The following OR9Q1 variants were observed in gnomAD, a reference collection of about 807,000 sequenced individuals.
The protein encoded by OR9Q1 is olfactory receptor family 9 subfamily Q member 1.
For missense variants in OR9Q1, 374 were observed against 378.8 expected (o/e 0.99, Z 0.11); for synonymous variants, 153 against 148.6 (o/e 1.03, Z -0.22).
chr11:58,097,842 CCAAA>C (rs1259816308), intron 2 of OR9Q1, among the ~76,000 whole-genome samples: 2 of 152,090 alleles, frequency 1.3e-5, no homozygotes, highest in Non-Finnish European at 2.9e-5. Flanking sequence ...CTGAATAAAG[CCAAA>C]CAAAGATGAG....
At chr11:58,024,401 T>C (rs749126220) in intron 1 of OR9Q1, among the ~76,000 whole-genome samples, 65 of 152,082 alleles carry the variant, frequency 4.3e-4, no homozygotes, top group Non-Finnish European at 8.5e-4. Flanking sequence ...TATTTTCCAG[T>C]TCCTTTCACT....
At chr11:58,031,617 A>T (rs529254367) in intron 1 of OR9Q1, 1 of 1,611,960 alleles carries the variant, frequency 6.2e-7, no homozygotes. Context: ...GCTGTGTCCT[A>T]TGGCAACATC....
chr11:58,066,657 T>A (rs1032854575), intron 2 of OR9Q1, among the ~76,000 whole-genome samples: 4 of 152,190 alleles, frequency 2.6e-5, no homozygotes, highest in African/African-American at 9.7e-5. Context: ...AGGCCGAAGT[T>A]GACTGGCAGA....
intron 2 of OR9Q1, among the ~76,000 whole-genome samples, chr11:58,161,044 T>C (rs1404797397): frequency 1.3e-5 from 2 of 148,918 alleles, no homozygotes; most frequent in East Asian, 4.0e-4. Context: ...TCCAACTCTA[T>C]GTTGAATAGG....
At chr11:58,172,069 A>G (rs1854560733) in intron 2 of OR9Q1, among the ~76,000 whole-genome samples, 1 of 152,220 alleles carries the variant, frequency 6.6e-6, no homozygotes, top group Non-Finnish European at 1.5e-5. Flanking sequence ...CAATTGCATA[A>G]CAGATTTATG....
At chr11:58,058,397 C>T (rs1043777374) in intron 2 of OR9Q1, among the ~76,000 whole-genome samples, 1 of 152,190 alleles carries the variant, frequency 6.6e-6, no homozygotes, top group African/African-American at 2.4e-5. Flanking sequence ...GCACTCCTCC[C>T]ACAGCTTCCT....
chr11:58,109,775 G>A (rs1853881566), intron 2 of OR9Q1: 12 of 352,680 alleles, frequency 3.4e-5, no homozygotes, highest in South Asian at 2.7e-4. Context: ...CCTCTGCTCA[G>A]AGAGAAAAAA....
At chr11:58,047,471 A>T (rs1337322212) in intron 1 of OR9Q1, 1 of 152,168 alleles carries the variant, frequency 6.6e-6, no homozygotes, top group South Asian at 2.1e-4. Flanking sequence ...CGTTGTCAGC[A>T]CTTCCCCATC....
chr11:58,095,806 TAAGAC>T (rs1365163742), intron 2 of OR9Q1, among the ~76,000 whole-genome samples: 22 of 152,090 alleles, frequency 1.4e-4, no homozygotes, highest in East Asian at 5.8e-4. Context: ...AGTGCTCTCT[TAAGAC>T]AAGAGATTTT....
intron 2 of OR9Q1, among the ~76,000 whole-genome samples, chr11:58,164,547 T>C (rs1193694767): frequency 6.6e-6 from 1 of 152,140 alleles, no homozygotes; most frequent in Non-Finnish European, 1.5e-5. Context: ...GGGTTTCAGG[T>C]GAGGAAACTG....
intron 2 of OR9Q1, among the ~76,000 whole-genome samples, chr11:58,131,100 T>C (rs538703419): frequency 6.6e-6 from 1 of 152,244 alleles, no homozygotes; most frequent in African/African-American, 2.4e-5. Flanking sequence ...CATGTGCTTT[T>C]GGCTCTTAAA....
intron 2 of OR9Q1, chr11:58,119,529 G>T: frequency 3.1e-6 from 3 of 956,282 alleles, no homozygotes; most frequent in Non-Finnish European, 4.7e-6. Context: ...TCCCTCTATG[G>T]TGGAAGTTTT....
In OR9Q1 at chr11:58,118,350, C is replaced by T. The variant is rs187474921; in HGVS notation, c.-14-61081C>T. The T allele has an allele frequency of 1.2e-4, 74 of 593,024 alleles. 1 individual carries two copies. The highest frequency in any genetic ancestry group is 7.9e-4 in the East Asian group (30 of 37,788). 36.7% of individuals were successfully genotyped at this position (593,024 alleles called of 1,614,324 possible). A position where few individuals can be genotyped will look rare whatever the true frequency, so the allele number is the denominator to read the frequency against. On this transcript the variant is annotated intron_variant, in intron 2 of 2. Transcript: ENST00000335397. ...ATGGAATTGCTGGAAACTAATTTCA[C>T]CACAATTGTAGTTTTTCCTGTGTGC... is the stretch of plus-strand genomic sequence containing the variant.
intron 2 of OR9Q1, among the ~76,000 whole-genome samples, chr11:58,132,275 A>C (rs541695862): frequency 5.9e-5 from 9 of 152,320 alleles, no homozygotes; most frequent in African/African-American, 2.2e-4. Flanking sequence ...ATTTGTATTT[A>C]CAATCAGCTA....
intron 1 of OR9Q1, among the ~76,000 whole-genome samples, chr11:58,053,647 TTA>T (rs1431401576): frequency 7.0e-5 from 10 of 143,688 alleles, no homozygotes; most frequent in Admixed American, 5.7e-4. Flanking sequence ...TATATATAAA[TTA>T]TATATATATA....
intron 2 of OR9Q1, among the ~76,000 whole-genome samples, chr11:58,074,168 C>T (rs1472908530): frequency 6.6e-6 from 1 of 152,130 alleles, no homozygotes; most frequent in Non-Finnish European, 1.5e-5. Context: ...GATTTATCAT[C>T]CTTTGGGTAT....
intron 2 of OR9Q1, among the ~76,000 whole-genome samples, chr11:58,056,395 A>G (rs1012161749): frequency 5.9e-5 from 9 of 152,236 alleles, no homozygotes; most frequent in Non-Finnish European, 1.3e-4. Context: ...ACAGGTAGGC[A>G]AACTACTGCC....
chr11:58,107,328 G>A (rs1048223089), intron 2 of OR9Q1, among the ~76,000 whole-genome samples: 6 of 152,066 alleles, frequency 3.9e-5, no homozygotes, highest in Admixed American at 3.9e-4. Context: ...TGTTCTTATT[G>A]TTCAATTCCC....
chr11:58,176,235 A>T (rs1292277545), intron 2 of OR9Q1, among the ~76,000 whole-genome samples: 1 of 145,698 alleles, frequency 6.9e-6, no homozygotes. Flanking sequence ...AAGAAATTAA[A>T]GTTAGATACA....
Sources: gnomAD v4.1 joint callset for allele counts (sites outside exome capture counted in the v4.1 genomes callset) on GRCh38, gnomAD v4.1.1 for gene constraint, MANE v1.5 for transcripts, NCBI Gene and HGNC (gene_info 2026-07-23, HGNC 2026-07-21) for gene names.